XKR9: variants seen among roughly 807,000 people sequenced by gnomAD.
XKR9 encodes XK related 9.
Under a neutral mutation model 32.0 loss-of-function variants are expected in XKR9, and 32 were observed. The ratio of observed to expected loss-of-function variants is 1.00; its 90% CI spans 0.76 to 1.34. The LOEUF is 1.34. Ranked by LOEUF, XKR9 falls within the 40% of genes most tolerant of loss-of-function variation. The pLI, the probability that XKR9 is intolerant of heterozygous loss-of-function variation, is 0.00. For missense variants in XKR9, 546 were observed against 429.7 expected (o/e 1.27, Z -2.39); for synonymous variants, 168 against 143.4 (o/e 1.17, Z -1.22).
chr8:70,928,215 A>G, the XKR9 span, among the ~76,000 whole-genome samples: 1 of 151,982 alleles, frequency 6.6e-6, no homozygotes, highest in African/African-American at 2.4e-5. Flanking sequence ...GCTAATTTTT[A>G]AGATGCTTTT....
At chr8:70,738,977 C>G (rs1385159929), downstream of XKR9, among the ~76,000 whole-genome samples, 1 of 152,146 alleles carries the variant, frequency 6.6e-6, no homozygotes, top group Non-Finnish European at 1.5e-5. Flanking sequence ...CTGTAGATGT[C>G]TATTAGGTCC....
At chr8:70,997,526 C>G in the XKR9 span, among the ~76,000 whole-genome samples, 1 of 151,546 alleles carries the variant, frequency 6.6e-6, no homozygotes, top group Non-Finnish European at 1.5e-5. Flanking sequence ...GAAAACCAAA[C>G]ATTGTATGTT....
chr8:70,931,408 C>T, the XKR9 span, among the ~76,000 whole-genome samples: 1 of 152,122 alleles, frequency 6.6e-6, no homozygotes, highest in African/African-American at 2.4e-5. Context: ...CGTGACTAAC[C>T]TCTTTCTTAG....
At chr8:70,952,192 C>T in the XKR9 span, among the ~76,000 whole-genome samples, 1 of 150,722 alleles carries the variant, frequency 6.6e-6, no homozygotes, top group African/African-American at 2.5e-5. Context: ...ACACACAGTA[C>T]TCTTACCCAT....
chr8:70,673,796 GTGAATA>G (rs1178488764), intron 1 of XKR9, among the ~76,000 whole-genome samples: 2 of 151,486 alleles, frequency 1.3e-5, no homozygotes, highest in African/African-American at 4.8e-5. Flanking sequence ...TTAAGTCTTT[GTGAATA>G]TGTTTAGAAA....
chr8:71,050,548 A>T, the XKR9 span, among the ~76,000 whole-genome samples: 1 of 152,060 alleles, frequency 6.6e-6, no homozygotes, highest in Non-Finnish European at 1.5e-5. Flanking sequence ...GCTTGGAGTA[A>T]GGTGGAGGAA....
intron 4 of XKR9, among the ~76,000 whole-genome samples, chr8:70,733,450 A>G (rs890007711): frequency 2.6e-5 from 4 of 152,086 alleles, no homozygotes; most frequent in African/African-American, 9.7e-5. Context: ...CTCACAGAGT[A>G]TGCTTTTTTC....
the XKR9 span, among the ~76,000 whole-genome samples, chr8:71,004,079 G>A: frequency 6.6e-6 from 1 of 152,204 alleles, no homozygotes; most frequent in African/African-American, 2.4e-5. Flanking sequence ...GGAGGGTAAG[G>A]CATGGGGATG....
At chr8:70,728,461 C>T (rs1464520414) in intron 4 of XKR9, among the ~76,000 whole-genome samples, 1 of 152,054 alleles carries the variant, frequency 6.6e-6, no homozygotes, top group African/African-American at 2.4e-5. Context: ...TTAGTATTGT[C>T]ATTTATAGTT....
At chr8:70,822,167 A>G in the XKR9 span, among the ~76,000 whole-genome samples, 2 of 152,316 alleles carry the variant, frequency 1.3e-5, no homozygotes, top group East Asian at 3.9e-4. Context: ...GTAAAGGAAA[A>G]TAGAAGCACC....
chr8:71,050,256 T>TAG, the XKR9 span, among the ~76,000 whole-genome samples: 10 of 130,898 alleles, frequency 7.6e-5, no homozygotes, highest in African/African-American at 2.3e-4. Flanking sequence ...TATATATATA[T>TAG]ATATAGATAG....
intron 3 of XKR9, among the ~76,000 whole-genome samples, chr8:70,681,760 G>A (rs1315723824): frequency 6.6e-6 from 1 of 152,036 alleles, no homozygotes; most frequent in Admixed American, 6.6e-5. Flanking sequence ...GGTTAGCTAG[G>A]TACAGAGTCA....
In XKR9 at chr8:70,759,086, G is replaced by A. The variant is rs200859290; in HGVS notation, n.353-30253G>A. ...TCCCCTTCTTTTTCATGGCTGGTTA[G>A]TGCCCGGACTATACAGGGACTTTCA... is the stretch of plus-strand genomic sequence containing the variant. On this transcript the variant is annotated intron_variant and non_coding_transcript_variant, in intron 2 of 3. Transcript: ENST00000520273. Among the ~76,000 whole-genome samples the A allele has an allele frequency of 4.6e-5, 7 of 152,278 alleles. No homozygotes were observed. The East Asian group carries it at 7.7e-4, about 17-fold the overall frequency.
At chr8:71,011,986 C>T in the XKR9 span, among the ~76,000 whole-genome samples, 1 of 151,956 alleles carries the variant, frequency 6.6e-6, no homozygotes, top group African/African-American at 2.4e-5. Context: ...AGCTGGTATC[C>T]CACCCTACCA....
At chr8:70,978,465 A>C in the XKR9 span, among the ~76,000 whole-genome samples, 16 of 152,254 alleles carry the variant, frequency 1.1e-4, no homozygotes, top group South Asian at 3.1e-3. Context: ...GCTTGTCTGT[A>C]AAGGATTTTA....
At chr8:71,057,732 G>A in the XKR9 span, among the ~76,000 whole-genome samples, 6 of 152,114 alleles carry the variant, frequency 3.9e-5, no homozygotes, top group East Asian at 1.2e-3. Context: ...ACCACTGCTT[G>A]GTGGTACATC....
At chr8:70,815,412 A>G in the XKR9 span, among the ~76,000 whole-genome samples, 1 of 152,164 alleles carries the variant, frequency 6.6e-6, no homozygotes, top group Non-Finnish European at 1.5e-5. Context: ...TACAAGTGAG[A>G]ACATGTGGTA....
At chr8:70,969,688 G>A in the XKR9 span, among the ~76,000 whole-genome samples, 1 of 152,164 alleles carries the variant, frequency 6.6e-6, no homozygotes, top group African/African-American at 2.4e-5. Context: ...GGCATGAAGT[G>A]TTTTAAATGC....
At position 70,754,686 on chromosome 8, in the gene XKR9, G is replaced by C. The variant is rs1485709044; in HGVS notation, n.353-34653G>C. Among the ~76,000 whole-genome samples, 3 of 151,202 alleles carry C rather than the reference G, an allele frequency of 2.0e-5. No homozygotes were observed. In the East Asian group the frequency reaches 5.8e-4, roughly 29 times the overall value. On this transcript the variant is annotated intron_variant and non_coding_transcript_variant, in intron 2 of 3. Coordinates refer to the XKR9 transcript ENST00000520273. Reference sequence around the variant, plus strand: ...GAAAGGATTCCCTATTTAATAAATGGTGCTGGGAAAACTGGCTAGCCATAT... The same window carrying C: ...GAAAGGATTCCCTATTTAATAAATGCTGCTGGGAAAACTGGCTAGCCATAT...
Sources: allele counts gnomAD v4.1 joint callset (sites outside exome capture counted in the v4.1 genomes callset), GRCh38; gene constraint gnomAD v4.1.1; transcripts MANE v1.5; gene names NCBI Gene and HGNC (gene_info 2026-07-23, HGNC 2026-07-21).